RYR2: variants seen among roughly 807,000 people sequenced by gnomAD.
RYR2 encodes cardiac muscle ryanodine receptor-calcium release channel.
A neutral mutation model predicts 601.1 loss-of-function variants in RYR2; 227 were observed. The observed-to-expected ratio is 0.38, with a 90% confidence interval of 0.34 to 0.42. The LOEUF (loss-of-function observed/expected upper bound fraction) is 0.42. Among genes scored for constraint, RYR2 ranks in the 10% least tolerant of loss-of-function variants. RYR2 has a pLI of 1.00. For missense variants in RYR2, 4,646 were observed against 6,156.5 expected, an observed-to-expected ratio of 0.75 and a Z score of 8.21; for synonymous variants, 2,223 against 2,175.1, an observed-to-expected ratio of 1.02 and a Z score of -0.61.
intron 2 of RYR2, among the ~76,000 whole-genome samples, chr1:237,309,613 C>A (rs998071616): frequency 6.6e-4 from 101 of 152,366 alleles, no homozygotes; most frequent in African/African-American, 2.3e-3. Context: ...TGCCACCAGT[C>A]CCGCACTGTG....
chr1:237,793,394 C>A (rs951188866), intron 94 of RYR2, among the ~76,000 whole-genome samples: 2 of 151,978 alleles, frequency 1.3e-5, no homozygotes, highest in African/African-American at 4.8e-5. Context: ...TTGCTGATGT[C>A]GAAATTAAAA....
At chr1:237,165,675 G>A (rs912606830) in intron 1 of RYR2, among the ~76,000 whole-genome samples, 2 of 152,100 alleles carry the variant, frequency 1.3e-5, no homozygotes, top group Non-Finnish European at 2.9e-5. Context: ...ACCAGCTTGG[G>A]TATCATAGTG....
intron 4 of RYR2, among the ~76,000 whole-genome samples, chr1:237,363,000 T>G (rs1243305923): frequency 6.6e-6 from 1 of 152,014 alleles, no homozygotes; most frequent in Non-Finnish European, 1.5e-5. Flanking sequence ...ACCTACTACA[T>G]TTTTAAAGTG....
Position 237,333,779 on chromosome 1 carries a change from T to C in RYR2, c.273+2797T>C, listed in dbSNP as rs139128231. On this transcript the variant is annotated intron_variant, in intron 3 of 104. Coordinates refer to ENST00000366574, the MANE Select transcript of RYR2 (RefSeq NM_001035.3). ...AATTTTTTTATCAATCAAATTACTA[T>C]CTCCAGGTTAATAAATCATGTGTAG... Among the ~76,000 whole-genome samples the C allele has an allele frequency of 2.3e-3, 353 of 152,250 alleles. 3 individuals carry two copies. Among genetic ancestry groups the C allele is most frequent in the African/African-American group, 8.0e-3 (334 of 41,562 alleles).
chr1:237,490,528 G>A (rs563718079), intron 17 of RYR2, among the ~76,000 whole-genome samples: 1 of 151,954 alleles, frequency 6.6e-6, no homozygotes, highest in Non-Finnish European at 1.5e-5. Flanking sequence ...AAAAAAAAAA[G>A]GTATTCAGTT....
chr1:237,588,889 T>G (rs995139198), intron 29 of RYR2, among the ~76,000 whole-genome samples: 1 of 109,734 alleles, frequency 9.1e-6, no homozygotes, highest in Non-Finnish European at 2.0e-5. Flanking sequence ...CTCATCCCCT[T>G]GTGAAAAAAA....
chr1:237,175,466 A>AT (rs1047206173), intron 1 of RYR2, among the ~76,000 whole-genome samples: 2 of 152,008 alleles, frequency 1.3e-5, no homozygotes, highest in Non-Finnish European at 2.9e-5. Flanking sequence ...TCCATAAATG[A>AT]TTTTTTTCAG....
At chr1:237,429,129 C>T (rs1441642213) in intron 12 of RYR2, among the ~76,000 whole-genome samples, 3 of 152,138 alleles carry the variant, frequency 2.0e-5, no homozygotes, top group African/African-American at 7.2e-5. Context: ...AGCAGGGACC[C>T]TGTCCTCCCA....
chr1:237,527,073 GT>G (rs1667667268), intron 24 of RYR2, among the ~76,000 whole-genome samples: 4 of 152,234 alleles, frequency 2.6e-5, no homozygotes, highest in Admixed American at 2.6e-4. Flanking sequence ...TTTCTCCAGT[GT>G]TTATTTTTGT....
intron 29 of RYR2, among the ~76,000 whole-genome samples, chr1:237,584,368 T>C (rs546037478): frequency 6.6e-6 from 1 of 152,340 alleles, no homozygotes; most frequent in East Asian, 1.9e-4. Flanking sequence ...ATTTATCATT[T>C]TCTGACACTA....
chr1:237,085,575 TG>T (rs1572578887), intron 1 of RYR2, among the ~76,000 whole-genome samples: 1 of 152,172 alleles, frequency 6.6e-6, no homozygotes. Context: ...TGTAATTGGG[TG>T]CACGTGTGTG....
At chr1:237,426,711 G>A (rs541432463) in intron 12 of RYR2, among the ~76,000 whole-genome samples, 2 of 152,116 alleles carry the variant, frequency 1.3e-5, no homozygotes, top group South Asian at 4.2e-4. Context: ...AACATGAACC[G>A]GTACATCACA....
At chr1:237,689,558 CT>C (rs953400291) in intron 63 of RYR2, among the ~76,000 whole-genome samples, 1 of 152,066 alleles carries the variant, frequency 6.6e-6, no homozygotes, top group African/African-American at 2.4e-5. Context: ...AAAACTAGAC[CT>C]TAACATTAGT....
rs531892604 is a variant in RYR2, at chr1:237,321,893, A to G, written c.169-8985A>G. Among the ~76,000 whole-genome samples, 5 of 152,310 alleles carry G rather than the reference A, an allele frequency of 3.3e-5. No homozygotes were observed. In the East Asian group the frequency reaches 5.8e-4, roughly 18 times the overall value. ...TGTTAAGGATGTTATCTACAGAAAT[A>G]AGGACCTTGTAACAGGGGCTATGTG... is the stretch of plus-strand genomic sequence containing the variant. On this transcript the variant is annotated intron_variant, in intron 2 of 104. Transcript: ENST00000366574.
intron 1 of RYR2, among the ~76,000 whole-genome samples, chr1:237,178,416 CTGTGTGTGTGTGTGTG>C (rs201867544): frequency 0.016 from 2,122 of 129,786 alleles, 73 homozygotes; most frequent in African/African-American, 0.059. Flanking sequence ...AGTTAAGGCT[CTGTGTGTGTGTGTGTG>C]TGTGTGTGTG....
intron 12 of RYR2, among the ~76,000 whole-genome samples, chr1:237,425,559 G>A (rs917294157): frequency 1.2e-4 from 18 of 152,162 alleles, no homozygotes; most frequent in African/African-American, 4.3e-4. Context: ...GCTTGAACTC[G>A]GGAGGCAGAG....
At chr1:237,526,714 C>T (rs1353514164) in intron 24 of RYR2, among the ~76,000 whole-genome samples, 2 of 151,984 alleles carry the variant, frequency 1.3e-5, no homozygotes, top group African/African-American at 2.4e-5. Flanking sequence ...TGTGTGGATT[C>T]TGGATATTAG....
intron 1 of RYR2, among the ~76,000 whole-genome samples, chr1:237,241,801 G>A (rs1686197846): frequency 6.6e-6 from 1 of 152,156 alleles, no homozygotes; most frequent in Non-Finnish European, 1.5e-5. Context: ...CATTGTCATG[G>A]CCTTTGTAAA....
At chr1:237,312,562 T>C (rs61832487) in intron 2 of RYR2, among the ~76,000 whole-genome samples, 5 of 152,204 alleles carry the variant, frequency 3.3e-5, no homozygotes, top group African/African-American at 1.2e-4. Flanking sequence ...AACCTTACCT[T>C]GGAGAGAATA....
Sources: gnomAD v4.1 joint callset for allele counts (sites outside exome capture counted in the v4.1 genomes callset) on GRCh38, gnomAD v4.1.1 for gene constraint, MANE v1.5 for transcripts, NCBI Gene and HGNC (gene_info 2026-07-23, HGNC 2026-07-21) for gene names.